TRPM3: variants seen among roughly 807,000 people sequenced by gnomAD.
TRPM3 encodes long transient receptor potential channel 3.
A neutral mutation model predicts 181.2 loss-of-function variants in TRPM3; 77 were observed. The ratio of observed to expected loss-of-function variants is 0.42; its 90% CI spans 0.35 to 0.51. TRPM3 has a LOEUF of 0.51. TRPM3 is among the 20% of genes least tolerant of loss of function. TRPM3 has a pLI of 0.01. For synonymous variants in TRPM3, 745 were observed against 796.4 expected, an observed-to-expected ratio of 0.94 and a Z score of 1.09; for missense variants, 1,759 against 2,196.7, an observed-to-expected ratio of 0.80 and a Z score of 3.98.
At chr9:71,188,238 C>T (rs960260814) in intron 1 of TRPM3, among the ~76,000 whole-genome samples, 6 of 151,848 alleles carry the variant, frequency 4.0e-5, no homozygotes, top group Admixed American at 3.9e-4. Context: ...TCTGGCAGTG[C>T]TGTGTTAGAG....
At chr9:71,257,468 A>ATCT (rs1554856027) in intron 1 of TRPM3, among the ~76,000 whole-genome samples, 1 of 152,170 alleles carries the variant, frequency 6.6e-6, no homozygotes, top group Non-Finnish European at 1.5e-5. Flanking sequence ...TACTATAAGA[A>ATCT]TCTTCATGCC....
chr9:71,047,809 A>ATC lies in TRPM3; in HGVS notation c.177+73367_177+73368dup, dbSNP rs1463539226. Among the ~76,000 whole-genome samples, 709 of 112,696 alleles carry ATC rather than the reference A, an allele frequency of 6.3e-3. 9 individuals carry two copies. Among genetic ancestry groups the ATC allele is most frequent in the African/African-American group, 0.023 (667 of 28,900 alleles). 73.9% of individuals were successfully genotyped at this position (112,696 alleles called of 152,430 possible). The stretch of plus-strand genomic sequence containing the variant: ...TTCAAGATACAAGACTACTGGCTGC[A>ATC]TCACACACACACACACACACACACA... On this transcript the variant is annotated intron_variant, in intron 1 of 25. Coordinates refer to ENST00000677713, the MANE Select transcript of TRPM3 (RefSeq NM_001366145.2).
intron 7 of TRPM3, among the ~76,000 whole-genome samples, chr9:70,781,326 T>TAAAAAGAAAAAA (rs2082389881): frequency 9.4e-6 from 1 of 106,156 alleles, no homozygotes; most frequent in Non-Finnish European, 1.9e-5. Context: ...TTCCATTTCA[T>TAAAAAGAAAAAA]AAAAAAAAAA....
intron 1 of TRPM3, among the ~76,000 whole-genome samples, chr9:71,053,057 G>A (rs1431895104): frequency 3.8e-5 from 4 of 104,838 alleles, no homozygotes; most frequent in East Asian, 3.4e-4. Flanking sequence ...CCTAACCAGC[G>A]AATAAGTATA....
intron 9 of TRPM3, among the ~76,000 whole-genome samples, chr9:70,679,326 C>A (rs138418689): frequency 3.0e-3 from 450 of 152,148 alleles, no homozygotes; most frequent in African/African-American, 0.01. Context: ...ATGTCATACT[C>A]AAAAATGTTG....
intron 1 of TRPM3, among the ~76,000 whole-genome samples, chr9:71,213,658 A>G (rs1409211129): frequency 6.6e-6 from 1 of 152,224 alleles, no homozygotes; most frequent in Non-Finnish European, 1.5e-5. Flanking sequence ...TTTTTAAAAA[A>G]GAGGTAACAG....
Position 70,557,747 on chromosome 9 carries a change from A to G in TRPM3, c.3224-4437T>C, listed in dbSNP as rs545410382. ...GGCCTCCTCCTTCCTTGCTTTTGGGACCTGACATTTGGGTGGCTTTTCTCT... is the reference window on the plus strand; with the variant it reads ...GGCCTCCTCCTTCCTTGCTTTTGGGGCCTGACATTTGGGTGGCTTTTCTCT... On this transcript the variant is annotated intron_variant, in intron 22 of 25. Transcript: ENST00000677713. Among the ~76,000 whole-genome samples, 3 of 152,238 alleles carry G rather than the reference A, an allele frequency of 2.0e-5. No individual in the cohort carries two copies. The South Asian group carries it at 6.2e-4, about 32-fold the overall frequency.
At chr9:71,445,713 T>C (rs1334458732) in intron 1 of TRPM3, among the ~76,000 whole-genome samples, 6 of 152,214 alleles carry the variant, frequency 3.9e-5, no homozygotes, top group Non-Finnish European at 8.8e-5. Flanking sequence ...TACCATTCTC[T>C]CTTTTAATTA....
intron 5 of TRPM3, among the ~76,000 whole-genome samples, chr9:70,839,967 C>T (rs867729568): frequency 6.6e-6 from 1 of 152,012 alleles, no homozygotes; most frequent in Non-Finnish European, 1.5e-5. Context: ...AAAAGAGTTG[C>T]GACTGTGTAA....
chr9:70,803,050 AAAAAAAAAAC>A (rs1240916776), intron 6 of TRPM3, among the ~76,000 whole-genome samples: 57 of 131,710 alleles, frequency 4.3e-4, no homozygotes, highest in Admixed American at 1.3e-3. Context: ...AAAAAAAAAA[AAAAAAAAAAC>A]AAAGGCCCAA....
intron 22 of TRPM3, among the ~76,000 whole-genome samples, chr9:70,578,622 G>A (rs979444779): frequency 1.3e-5 from 2 of 152,214 alleles, no homozygotes; most frequent in African/African-American, 4.8e-5. Context: ...GGGAGATGTC[G>A]TGAAACCCTG....
intron 1 of TRPM3, among the ~76,000 whole-genome samples, chr9:70,910,435 C>A (rs573046748): frequency 6.6e-6 from 1 of 152,240 alleles, no homozygotes; most frequent in South Asian, 2.1e-4. Flanking sequence ...ATTTAAGGTG[C>A]TGTCTGAATG....
chr9:71,430,434 C>T (rs1348272499), intron 1 of TRPM3, among the ~76,000 whole-genome samples: 2 of 152,138 alleles, frequency 1.3e-5, no homozygotes, highest in Admixed American at 6.5e-5. Flanking sequence ...CAGCAAAAGG[C>T]AACATGTCCT....
intron 8 of TRPM3, among the ~76,000 whole-genome samples, chr9:70,691,761 A>C (rs1478621517): frequency 6.6e-6 from 1 of 152,210 alleles, no homozygotes; most frequent in Non-Finnish European, 1.5e-5. Flanking sequence ...AAAATTATAG[A>C]AAGTTTAGAA....
intron 1 of TRPM3, among the ~76,000 whole-genome samples, chr9:71,224,631 G>A (rs1235034344): frequency 3.3e-5 from 5 of 152,082 alleles, no homozygotes; most frequent in Admixed American, 2.0e-4. Flanking sequence ...CTGATTTCAG[G>A]AAATTCAAAG....
At chr9:71,139,545 T>C (rs1379889013) in intron 1 of TRPM3, among the ~76,000 whole-genome samples, 1 of 152,132 alleles carries the variant, frequency 6.6e-6, no homozygotes, top group Non-Finnish European at 1.5e-5. Context: ...AAAAGGGTAA[T>C]AAAAGTAATG....
rs2058014098 is a variant in TRPM3 at position 70,590,927 on chromosome 9, T to C, written c.3223+104A>G. On this transcript the variant is annotated intron_variant, in intron 22 of 25. Transcript: ENST00000677713. ...TAGCAAGCTAGGAATCAGTCCTCTA[T>C]CTTGAGCCATTTATTGAGAACAAAC... 13 of 1,500,342 alleles carry C rather than the reference T, an allele frequency of 8.7e-6. No homozygotes were observed. The South Asian group carries it at 1.2e-4, about 13-fold the overall frequency. The allele number at this position is 1,500,342 out of a possible 1,614,324, so 92.9% of individuals were successfully genotyped here.
At chr9:71,132,014 C>T (rs2074403521) in intron 1 of TRPM3, among the ~76,000 whole-genome samples, 1 of 152,128 alleles carries the variant, frequency 6.6e-6, no homozygotes, top group Non-Finnish European at 1.5e-5. Context: ...TACGTAAAGG[C>T]ATATCTCATT....
chr9:70,788,024 T>TA (rs56919911), intron 6 of TRPM3, among the ~76,000 whole-genome samples: 2 of 141,156 alleles, frequency 1.4e-5, no homozygotes, highest in Non-Finnish European at 3.1e-5. Context: ...TTTTTTTTTT[T>TA]AATATACTTT....
Sources: gnomAD v4.1 joint callset for allele counts (sites outside exome capture counted in the v4.1 genomes callset) on GRCh38, gnomAD v4.1.1 for gene constraint, MANE v1.5 for transcripts, NCBI Gene and HGNC (gene_info 2026-07-23, HGNC 2026-07-21) for gene names.